NEIL2: variants seen among roughly 807,000 people sequenced by gnomAD.
NEIL2 encodes endonuclease 8-like 2.
A neutral mutation model predicts 22.2 loss-of-function variants in NEIL2; 23 were observed. The observed-to-expected ratio is 1.04, with a 90% CI of 0.75 to 1.47. The LOEUF (loss-of-function observed/expected upper bound fraction) is 1.47. Ranked by LOEUF, NEIL2 falls within the 40% of genes most tolerant of loss-of-function variation. The probability of loss-of-function intolerance (pLI) is 0.00; values close to 1 mark genes in which losing one functional copy is unlikely to be tolerated. For missense variants in NEIL2, 583 were observed against 404.7 expected (o/e 1.44, Z -3.78); for synonymous variants, 229 against 164.8 (o/e 1.39, Z -2.99).
In NEIL2 at chr8:11,770,324, C is replaced by T. The variant is rs538634604; in HGVS notation, c.-14C>T. 5.3e-5 allele frequency: 8 copies of T among 152,186 alleles called. No individual in the cohort carries two copies. Among genetic ancestry groups the T allele is most frequent in the Non-Finnish European group, 1.0e-4 (7 of 68,044 alleles). The allele number at this position is 152,186 out of a possible 1,614,324, so 9.4% of individuals were successfully genotyped here. A position where few individuals can be genotyped will look rare whatever the true frequency, so the allele number is the denominator to read the frequency against. On this transcript the variant is annotated 5_prime_UTR_variant, in exon 1 of 5. Transcript: ENST00000284503. ...TCCCCGTAGAAGAGGATCAGGCATC[C>T]AACTGGTTAAGGTCAGCAGCGTTTG...
chr8:11,782,642 G>C lies in NEIL2; in HGVS notation c.492-561G>C, dbSNP rs543624310. On this transcript the variant is annotated intron_variant, in intron 3 of 4. Coordinates refer to ENST00000284503, the MANE Select transcript of NEIL2 (RefSeq NM_145043.4). ...AATGAAGGTTTTATAGGTACTCAAA[G>C]TATGGCTTTTACTGAGTGTGCATTG... 2.7e-5 allele frequency: 5 copies of C among 185,488 alleles called. No individual in the cohort carries two copies. The East Asian group carries it at 5.7e-4, about 21-fold the overall frequency. 11.5% of individuals were successfully genotyped at this position (185,488 alleles called of 1,614,324 possible). A position where few individuals can be genotyped will look rare whatever the true frequency, so the allele number is the denominator to read the frequency against.
chr8:11,781,768 A>T (rs1051755570), intron 3 of NEIL2, among the ~76,000 whole-genome samples: 1 of 152,164 alleles, frequency 6.6e-6, no homozygotes, highest in African/African-American at 2.4e-5. Context: ...AATAAATACT[A>T]TTAGCTTGCC....
chr8:11,784,891 C>G (rs1804755573), intron 4 of NEIL2, among the ~76,000 whole-genome samples: 2 of 152,204 alleles, frequency 1.3e-5, no homozygotes, highest in African/African-American at 4.8e-5. Flanking sequence ...TTTTTTGACA[C>G]AGGGTCTCTC....
intron 2 of NEIL2, among the ~76,000 whole-genome samples, chr8:11,777,737 C>T (rs1041821453): frequency 6.6e-6 from 1 of 152,196 alleles, no homozygotes; most frequent in Non-Finnish European, 1.5e-5. Flanking sequence ...TCTAATTTTG[C>T]TGCTATTACA....
rs1309601828 is a variant in NEIL2, at chr8:11,779,938, A to G, written c.479A>G (p.Asp160Gly). ...KKANKRGDWR[D>G]PSPRLVLHFG... ...GCCAACAAGAGGGGGGACTGGAGGG[A>G]CCCTTCCCCGAGGTAATGGTGTGGC... Residue 160 changes from aspartate (D) to glycine (G), a missense_variant, in exon 3 of 5, where the codon GAC (aspartate) becomes GGC (glycine). Physicochemically the swap from Asp to Gly is moderately conservative, Grantham distance 94. Coordinates refer to ENST00000284503, the MANE Select transcript of NEIL2 (RefSeq NM_145043.4). 6.2e-7 allele frequency: 1 copy of G among 1,613,224 alleles called. No individual in the cohort carries two copies.
chr8:11,772,915 C>A (rs1803593864), intron 2 of NEIL2, among the ~76,000 whole-genome samples: 1 of 152,010 alleles, frequency 6.6e-6, no homozygotes, highest in African/African-American at 2.4e-5. Context: ...CTTGCCCTCA[C>A]CCCCCACCCC....
chr8:11,779,537 C>G (rs764462083), intron 2 of NEIL2, 61 bp from the exon 3 acceptor site: 15 of 1,296,314 alleles, frequency 1.2e-5, no homozygotes, highest in Admixed American at 3.4e-5. Context: ...GATAAATATC[C>G]GCATTCCCCA....
chr8:11,772,095 C>T (rs1188051910), intron 2 of NEIL2, among the ~76,000 whole-genome samples: 4 of 151,982 alleles, frequency 2.6e-5, no homozygotes, highest in East Asian at 3.9e-4. Flanking sequence ...CCCAGCTGCT[C>T]GGGAAGCTGA....
chr8:11,772,724 G>T (rs756425785), intron 2 of NEIL2, among the ~76,000 whole-genome samples: 1 of 152,168 alleles, frequency 6.6e-6, no homozygotes, highest in South Asian at 2.1e-4. Context: ...TGGTGCCTGT[G>T]GATGAGCTCA....
chr8:11,786,041 G>T lies in NEIL2; in HGVS notation c.767G>T (p.Arg256Leu), dbSNP rs148057216. The change falls in exon 5 of 5, where the codon CGT becomes CTT. Residue 256 changes from arginine to leucine, a missense_variant. By Grantham distance (102) the Arg-to-Leu change is moderately radical. Coordinates refer to ENST00000284503, the MANE Select transcript of NEIL2 (RefSeq NM_145043.4). Reference protein sequence around the residue: ...LSLGSVLSASRREVLVDHVVE... With the variant: ...LSLGSVLSASLREVLVDHVVE... ...CTCGGTTCAGTCCTGAGTGCCTCGC[G>T]TCGGGAGGTCCTGGTGGATCACGTG... is the stretch of plus-strand genomic sequence containing the variant. 4.1e-5 allele frequency: 66 copies of T among 1,614,112 alleles called. No homozygotes were observed. The African/African-American group carries it at 5.6e-4, about 14-fold the overall frequency.
At chr8:11,777,954 C>T (rs562459215) in intron 2 of NEIL2, among the ~76,000 whole-genome samples, 12 of 152,228 alleles carry the variant, frequency 7.9e-5, no homozygotes, top group Non-Finnish European at 1.8e-4. Context: ...GTTTCCAACA[C>T]ATACTTTTTG....
intron 2 of NEIL2, among the ~76,000 whole-genome samples, chr8:11,775,762 C>G (rs1369993919): frequency 6.6e-6 from 1 of 152,222 alleles, no homozygotes; most frequent in African/African-American, 2.4e-5. Flanking sequence ...GGGCAAAATG[C>G]CACCAGTCTC....
intron 3 of NEIL2, among the ~76,000 whole-genome samples, chr8:11,782,251 C>G (rs1333483568): frequency 2.0e-5 from 3 of 151,916 alleles, no homozygotes; most frequent in Admixed American, 6.6e-5. Context: ...GATGAAACCC[C>G]CATCTCTACT....
At chr8:11,785,738 G>A (rs2130551238) in intron 4 of NEIL2, among the ~76,000 whole-genome samples, 1 of 152,262 alleles carries the variant, frequency 6.6e-6, no homozygotes, top group Non-Finnish European at 1.5e-5. Flanking sequence ...TAGCCTGTTT[G>A]CCATGACGGG....
chr8:11,785,984 C>T lies in NEIL2; in HGVS notation c.710C>T (p.Ala237Val). 1 of 1,614,082 alleles carries T rather than the reference C, an allele frequency of 6.2e-7. No homozygotes were observed. The highest frequency in any genetic ancestry group is 1.7e-5 in the Admixed American group (1 of 60,024). ...SGLGNIIKNE[A>V]LYRAGIHPLS... ...TCAGGGAACATCATTAAGAATGAAGCCTTGTACAGAGCTGGGATCCATCCC... is the reference window on the plus strand; with the variant it reads ...TCAGGGAACATCATTAAGAATGAAGTCTTGTACAGAGCTGGGATCCATCCC... Residue 237 changes from alanine to valine, a missense_variant, in exon 5 of 5, where the codon GCC (alanine) becomes GTC (valine). Coordinates refer to ENST00000284503, the MANE Select transcript of NEIL2 (RefSeq NM_145043.4).
rs143580228 is a variant in NEIL2, at chr8:11,786,032, G to A, written c.758G>A (p.Ser253Asn). 6.2e-7 allele frequency: 1 copy of A among 1,614,052 alleles called. No individual in the cohort carries two copies. Among genetic ancestry groups the A allele is most frequent in the African/African-American group, 1.3e-5 (1 of 74,922 alleles). ...CCCCTTTCTCTCGGTTCAGTCCTGA[G>A]TGCCTCGCGTCGGGAGGTCCTGGTG... ...IHPLSLGSVLSASRREVLVDH... is the reference protein window; with the variant it reads ...IHPLSLGSVLNASRREVLVDH... The change falls in exon 5 of 5, where the codon AGT (serine) becomes AAT (asparagine). Residue 253 changes from serine (S) to asparagine (N), a missense_variant. Transcript: ENST00000284503.
At chr8:11,771,663 A>C (rs1007030007) in intron 2 of NEIL2, 78 bp downstream of exon 2, 3 of 1,474,600 alleles carry the variant, frequency 2.0e-6, no homozygotes, top group East Asian at 2.3e-5. Flanking sequence ...CATATGTCTC[A>C]GGGTGTCACT....
At position 11,781,077 on chromosome 8, in the gene NEIL2, T is replaced by TA. The variant is rs763925213; in HGVS notation, c.491+1134dup. 6.6e-5 allele frequency among the ~76,000 whole-genome samples: 10 copies of TA among 152,154 alleles called. 1 individual carries two copies. The highest frequency in any genetic ancestry group is 2.4e-4 in the African/African-American group (10 of 41,448). On this transcript the variant is annotated intron_variant, in intron 3 of 4. Transcript: ENST00000284503. ...GTTGCTTGTAGGTTTCCCCTTTTGC[T>TA]AAAAAAAGGCCCCTTCTGCCCCCAG...
intron 3 of NEIL2, among the ~76,000 whole-genome samples, chr8:11,781,628 G>A (rs1330637659): frequency 6.6e-6 from 1 of 152,170 alleles, no homozygotes; most frequent in Non-Finnish European, 1.5e-5. Flanking sequence ...TGTGTATCAT[G>A]CCATTATTTT....
Sources: allele counts gnomAD v4.1 joint callset (sites outside exome capture counted in the v4.1 genomes callset), GRCh38; gene constraint gnomAD v4.1.1; transcripts MANE v1.5; gene names NCBI Gene and HGNC (gene_info 2026-07-23, HGNC 2026-07-21).